The following KCNQ1 variants were observed in gnomAD, a reference collection of about 807,000 sequenced individuals.
KCNQ1 encodes the protein potassium voltage-gated channel subfamily Q member 1.
A neutral mutation model predicts 72.4 loss-of-function variants in KCNQ1; 49 were observed. The observed-to-expected ratio is 0.68, with a 90% confidence interval of 0.54 to 0.86. The LOEUF (loss-of-function observed/expected upper bound fraction) is 0.86, where lower values mean the gene tolerates loss of function less well. Ranked by LOEUF, KCNQ1 falls within the 40% of genes least tolerant of loss-of-function variation. The probability of loss-of-function intolerance (pLI) is 0.00; values close to 1 mark genes in which losing one functional copy is unlikely to be tolerated. For synonymous variants in KCNQ1, 450 were observed against 412.6 expected, an observed-to-expected ratio of 1.09 and a Z score of -1.10; for missense variants, 790 against 945.1, an observed-to-expected ratio of 0.84 and a Z score of 2.15.
At chr11:2,753,068 G>A (rs932584120) in intron 11 of KCNQ1, among the ~76,000 whole-genome samples, 5 of 152,154 alleles carry the variant, frequency 3.3e-5, no homozygotes, top group Non-Finnish European at 7.4e-5. Flanking sequence ...CAACCCAGGG[G>A]GAGGAGAGAA....
At chr11:2,672,512 C>CCATTA (rs1850204811) in intron 11 of KCNQ1, 1 of 398,674 alleles carries the variant, frequency 2.5e-6, no homozygotes, top group Non-Finnish European at 4.4e-6. Context: ...GCTCTGTGCT[C>CCATTA]CCAGGCCTCT....
At chr11:2,629,384 A>T (rs1327893368) in intron 10 of KCNQ1, 1 of 398,474 alleles carries the variant, frequency 2.5e-6, no homozygotes, top group African/African-American at 2.1e-5. Context: ...TTCATATTAT[A>T]TCCAAATGAA....
intron 15 of KCNQ1, chr11:2,840,164 C>A (rs1368689037): frequency 6.6e-6 from 1 of 152,060 alleles, no homozygotes; most frequent in African/African-American, 2.4e-5. Flanking sequence ...TCATGTATTA[C>A]AATAAAGTAA....
At chr11:2,585,406 C>A (rs768652264) in intron 8 of KCNQ1, 99 bp downstream of exon 8, 26 of 1,107,372 alleles carry the variant, frequency 2.3e-5, no homozygotes, top group Non-Finnish European at 3.1e-5. Flanking sequence ...TTGGCCCCTG[C>A]ATCAGCTTGG....
Position 2,661,521 on chromosome 11 carries a change from C to T in KCNQ1, c.1394-440C>T, listed in dbSNP as rs886770016. On this transcript the variant is annotated intron_variant, in intron 10 of 15. Coordinates refer to ENST00000155840, the MANE Select transcript of KCNQ1 (RefSeq NM_000218.3). This position sits in a 1 kb window ranked among gnomAD's most constrained non-coding sequence, Gnocchi z 5.9. ...CCTCATGGGTCAGAGGTCCTATCAC[C>T]CCATCTTTCCTGACCCACTACTCTG... is the stretch of plus-strand genomic sequence containing the variant. 1.1e-5 allele frequency: 5 copies of T among 471,032 alleles called. No individual in the cohort carries two copies. The highest frequency in any genetic ancestry group is 5.4e-4 in the Middle Eastern group (1 of 1,866). The allele number at this position is 471,032 out of a possible 1,614,324, so 29.2% of individuals were successfully genotyped here.
At chr11:2,685,109 C>CGGG in intron 11 of KCNQ1, 1 of 398,588 alleles carries the variant, frequency 2.5e-6, no homozygotes, top group Non-Finnish European at 4.4e-6. Context: ...CCTTTTGGCA[C>CGGG]GGGGGGTCTG....
At chr11:2,770,257 C>T (rs1181483655) in intron 12 of KCNQ1, among the ~76,000 whole-genome samples, 5 of 152,302 alleles carry the variant, frequency 3.3e-5, no homozygotes, top group South Asian at 2.1e-4. Context: ...CTTCACAGGG[C>T]GGTCTGGGTG....
At chr11:2,452,684 A>C (rs2057872744) in intron 1 of KCNQ1, among the ~76,000 whole-genome samples, 1 of 152,270 alleles carries the variant, frequency 6.6e-6, no homozygotes, top group Admixed American at 6.5e-5. Context: ...GCTCTTGGCT[A>C]GGATGGCTCA....
rs893932350 is a variant in KCNQ1, at chr11:2,750,643, C to T, written c.1515-18201C>T. 1.8e-4 allele frequency among the ~76,000 whole-genome samples: 28 copies of T among 152,234 alleles called. No individual in the cohort carries two copies. Among genetic ancestry groups the T allele is most frequent in the Non-Finnish European group, 7.3e-5 (5 of 68,042 alleles). On this transcript the variant is annotated intron_variant, in intron 11 of 15. Transcript: ENST00000155840. This position sits in a 1 kb window ranked among gnomAD's most constrained non-coding sequence, Gnocchi z 6.3. ...AGACCAGTAAGAAGCCCATGTCATT[C>T]TTCTGAGACATTAGGGGTTTTCTCT...
Position 2,676,827 on chromosome 11 carries a change from G to T in KCNQ1, c.1514+14746G>T. ...TATTGTGCTGGGATCTACCACAGGG[G>T]TCATGTTGTAATGACACCTGTCAGC... On this transcript the variant is annotated intron_variant, in intron 11 of 15. Coordinates refer to ENST00000155840, the MANE Select transcript of KCNQ1 (RefSeq NM_000218.3). The surrounding 1 kb of genome is among the most constrained non-coding windows in gnomAD (Gnocchi z 4.2). 1 of 398,608 alleles carries T rather than the reference G, an allele frequency of 2.5e-6. No homozygotes were observed. 24.7% of individuals were successfully genotyped at this position (398,608 alleles called of 1,614,324 possible).
chr11:2,610,877 A>T (rs1470422451), intron 10 of KCNQ1: 2 of 397,446 alleles, frequency 5.0e-6, no homozygotes, highest in East Asian at 7.1e-5. Flanking sequence ...ACATAGCCTC[A>T]CCTCCCACCA....
chr11:2,516,128 C>T lies in KCNQ1; in HGVS notation c.387-11800C>T, dbSNP rs932596536. The stretch of plus-strand genomic sequence containing the variant: ...AGGCTTACTTCTGGGTTGTAGTTTT[C>T]GGGGTGCTTCGAGGTGCTGTGGGGA... On this transcript the variant is annotated intron_variant, in intron 1 of 15. Coordinates refer to ENST00000155840, the MANE Select transcript of KCNQ1 (RefSeq NM_000218.3). This position sits in a 1 kb window ranked among gnomAD's most constrained non-coding sequence, Gnocchi z 7.0. Among the ~76,000 whole-genome samples the T allele has an allele frequency of 2.6e-5, 4 of 152,050 alleles. No homozygotes were observed. Among genetic ancestry groups the T allele is most frequent in the Admixed American group, 6.5e-5 (1 of 15,270 alleles).
rs981894401 is a variant in KCNQ1, at chr11:2,564,924, T to C, written c.478-5704T>C. ...GCAGCCTGTGTGAGAATCCCCTTCCTTTTTAAGGCCAAATCCTATTCCGTG... is the reference window on the plus strand; with the variant it reads ...GCAGCCTGTGTGAGAATCCCCTTCCCTTTTAAGGCCAAATCCTATTCCGTG... On this transcript the variant is annotated intron_variant, in intron 2 of 15. Coordinates refer to ENST00000155840, the MANE Select transcript of KCNQ1 (RefSeq NM_000218.3). This position sits in a 1 kb window ranked among gnomAD's most constrained non-coding sequence, Gnocchi z 4.5. Among the ~76,000 whole-genome samples the C allele has an allele frequency of 1.9e-4, 29 of 152,214 alleles. No homozygotes were observed. Among genetic ancestry groups the C allele is most frequent in the Non-Finnish European group, 3.8e-4 (26 of 68,034 alleles).
At position 2,565,450 on chromosome 11, in the gene KCNQ1, C is replaced by A. The variant is rs1848233697; in HGVS notation, c.478-5178C>A. 1.3e-5 allele frequency among the ~76,000 whole-genome samples: 2 copies of A among 152,210 alleles called. No individual in the cohort carries two copies. Among genetic ancestry groups the A allele is most frequent in the Admixed American group, 6.5e-5 (1 of 15,288 alleles). ...AGAAATGACTGTCCAAGCCCTTTGC[C>A]TATTTTTTAAAAATTGAGTTGTTAG... On this transcript the variant is annotated intron_variant, in intron 2 of 15. Transcript: ENST00000155840. This position sits in a 1 kb window ranked among gnomAD's most constrained non-coding sequence, Gnocchi z 5.6.
rs925886099 is a variant in KCNQ1 at position 2,704,261 on chromosome 11, G to C, written c.1514+42180G>C. 6.6e-6 allele frequency among the ~76,000 whole-genome samples: 1 copy of C among 152,248 alleles called. No homozygotes were observed. Among genetic ancestry groups the C allele is most frequent in the Non-Finnish European group, 1.5e-5 (1 of 68,046 alleles). On this transcript the variant is annotated intron_variant, in intron 11 of 15. Coordinates refer to ENST00000155840, the MANE Select transcript of KCNQ1 (RefSeq NM_000218.3). This position sits in a 1 kb window ranked among gnomAD's most constrained non-coding sequence, Gnocchi z 4.3. ...CAGAATCTTCCGCCTCCTGTGGCCT[G>C]TGTGTCGCCTGCACCTGCATTCCAC...
chr11:2,808,577 C>T lies in KCNQ1; in HGVS notation c.1794+30540C>T, dbSNP rs59809880. On this transcript the variant is annotated intron_variant, in intron 15 of 15. Coordinates refer to ENST00000155840, the MANE Select transcript of KCNQ1 (RefSeq NM_000218.3). This position sits in a 1 kb window ranked among gnomAD's most constrained non-coding sequence, Gnocchi z 6.0. ...CATTAATTTTTTAAATGGGAGTCCT[C>T]AGGTAGGTTGGTTGATTGAGTGATT... Among the ~76,000 whole-genome samples the T allele has an allele frequency of 0.15, 22,135 of 152,086 alleles. 2,183 individuals carry two copies. Among genetic ancestry groups the T allele is most frequent in the African/African-American group, 0.28 (11,547 of 41,446 alleles).
rs1847863857 is a variant in KCNQ1 at position 2,827,560 on chromosome 11, C to G, written c.1795-20207C>G. ...CACGCCTGAGTCGCTGCAAGGGCCC[C>G]TGGGGACGGAGTCTCTATTCCAGGC... On this transcript the variant is annotated intron_variant, in intron 15 of 15. Coordinates refer to ENST00000155840, the MANE Select transcript of KCNQ1 (RefSeq NM_000218.3). This position sits in a 1 kb window ranked among gnomAD's most constrained non-coding sequence, Gnocchi z 6.7. Among the ~76,000 whole-genome samples the G allele has an allele frequency of 2.8e-5, 4 of 141,688 alleles. No homozygotes were observed. In the Admixed American group the frequency reaches 3.0e-4, roughly 11 times the overall value. 93.0% of individuals were successfully genotyped at this position (141,688 alleles called of 152,430 possible). A position where few individuals can be genotyped will look rare whatever the true frequency, so the allele number is the denominator to read the frequency against.
rs2133765949 is a variant in KCNQ1, at chr11:2,592,122, T to TGCC, written c.1393+3269_1393+3271dup. On this transcript the variant is annotated intron_variant, in intron 10 of 15. Coordinates refer to ENST00000155840, the MANE Select transcript of KCNQ1 (RefSeq NM_000218.3). The surrounding 1 kb of genome is among the most constrained non-coding windows in gnomAD (Gnocchi z 5.2). ...GGTTAGGCAGAAGTCCCCTTGACCC[T>TGCC]GCCTCAGGGCTGCTACCTGTCTGCG... Among the ~76,000 whole-genome samples the TGCC allele has an allele frequency of 6.6e-6, 1 of 152,378 alleles. No individual in the cohort carries two copies. Among genetic ancestry groups the TGCC allele is most frequent in the Non-Finnish European group, 1.5e-5 (1 of 68,036 alleles).
Position 2,657,634 on chromosome 11 carries a change from G to A in KCNQ1, c.1394-4327G>A, listed in dbSNP as rs1174724981. ...AACATTGGTACACTATTAAGCTAGA[G>A]TTATAAATTTATTTGGATTTCCCCA... is the stretch of plus-strand genomic sequence containing the variant. On this transcript the variant is annotated intron_variant, in intron 10 of 15. Coordinates refer to ENST00000155840, the MANE Select transcript of KCNQ1 (RefSeq NM_000218.3). This position sits in a 1 kb window ranked among gnomAD's most constrained non-coding sequence, Gnocchi z 4.8. The A allele has an allele frequency of 1.0e-5, 4 of 398,492 alleles. No homozygotes were observed. Among genetic ancestry groups the A allele is most frequent in the African/African-American group, 8.2e-5 (4 of 48,632 alleles). 24.7% of individuals were successfully genotyped at this position (398,492 alleles called of 1,614,324 possible). A position where few individuals can be genotyped will look rare whatever the true frequency, so the allele number is the denominator to read the frequency against.
Sources: gnomAD v4.1 joint callset for allele counts (sites outside exome capture counted in the v4.1 genomes callset) on GRCh38, gnomAD v4.1.1 for gene constraint, Gnocchi (gnomAD v3.1) non-coding constraint, MANE v1.5 for transcripts, NCBI Gene and HGNC (gene_info 2026-07-23, HGNC 2026-07-21) for gene names.